NFYA: variants seen among roughly 807,000 people sequenced by gnomAD.
NFYA encodes CAAT-box DNA binding protein subunit A.
In NFYA, 28 loss-of-function variants were observed where a neutral mutation model predicts 52.8. The ratio of observed to expected loss-of-function variants is 0.53; its 90% CI spans 0.39 to 0.73. NFYA has a LOEUF of 0.73. Among genes scored for constraint, NFYA ranks in the 30% least tolerant of loss-of-function variants. The pLI is 0.00. For synonymous variants in NFYA, 150 were observed against 150.7 expected (o/e 1.00, Z 0.03); for missense variants, 234 against 427.0 (o/e 0.55, Z 3.98).
intron 4 of NFYA, among the ~76,000 whole-genome samples, chr6:41,084,868 A>G (rs1764001223): frequency 1.3e-5 from 2 of 152,252 alleles, no homozygotes; most frequent in Non-Finnish European, 2.9e-5. Flanking sequence ...GGGTTGAGGC[A>G]TAAGATATCT....
rs569128714 is a variant in NFYA, at chr6:41,080,904, C to A, written c.162+7C>A. The A allele has an allele frequency of 2.5e-6, 4 of 1,611,330 alleles. No homozygotes were observed. In the African/African-American group the frequency reaches 5.3e-5, roughly 21 times the overall value. On this transcript the variant is annotated splice_region_variant and intron_variant, in intron 3 of 9. Coordinates refer to ENST00000341376, the MANE Select transcript of NFYA (RefSeq NM_002505.5). ...AGTCCAGACCCTCCAGGTAGTGGTA[C>A]CCTCTCTGATTCTCTGTGAGCACTG...
chr6:41,102,017 A>C lies in NFYA; in HGVS notation c.*4607A>C, dbSNP rs1764514349. On this transcript the variant is annotated 3_prime_UTR_variant, in exon 10 of 10. Coordinates refer to ENST00000341376, the MANE Select transcript of NFYA (RefSeq NM_002505.5). The stretch of plus-strand genomic sequence containing the variant: ...TTCTGCTTTGTTGGTCAGGGTTTAC[A>C]GCATTAATGGACAGGTTCACCCTGA... The C allele has an allele frequency of 6.6e-6, 1 of 152,284 alleles. No individual in the cohort carries two copies. The highest frequency in any genetic ancestry group is 1.5e-5 in the Non-Finnish European group (1 of 68,058). 9.4% of individuals were successfully genotyped at this position (152,284 alleles called of 1,614,324 possible).
chr6:41,084,479 A>C (rs1763987896), intron 4 of NFYA, among the ~76,000 whole-genome samples: 2 of 152,256 alleles, frequency 1.3e-5, no homozygotes, highest in Non-Finnish European at 2.9e-5. Context: ...AAAGAAACAA[A>C]AATGAGTATT....
At chr6:41,088,423 CAAAAAAAA>C (rs34590854) in intron 4 of NFYA, among the ~76,000 whole-genome samples, 6 of 64,726 alleles carry the variant, frequency 9.3e-5, no homozygotes, top group South Asian at 1.1e-3. Flanking sequence ...ACTCCGTCTC[CAAAAAAAA>C]AAAAAAAAAA....
At chr6:41,087,535 T>C (rs1464778684) in intron 4 of NFYA, among the ~76,000 whole-genome samples, 3 of 152,206 alleles carry the variant, frequency 2.0e-5, no homozygotes, top group Admixed American at 1.3e-4. Context: ...CTGCCATCTA[T>C]GTTGAAGCAA....
At position 41,100,497 on chromosome 6, in the gene NFYA, C is replaced by G. The variant is rs1764469940; in HGVS notation, c.*3087C>G. Among the ~76,000 whole-genome samples, 2 of 151,214 alleles carry G rather than the reference C, an allele frequency of 1.3e-5. No homozygotes were observed. The highest frequency in any genetic ancestry group is 6.6e-5 in the Admixed American group (1 of 15,142). ...TATGCCATTATCAACACACAAGAGACAAACAGCCCGAGGAAGCACTCAATG... is the reference window on the plus strand; with the variant it reads ...TATGCCATTATCAACACACAAGAGAGAAACAGCCCGAGGAAGCACTCAATG... On this transcript the variant is annotated 3_prime_UTR_variant, in exon 10 of 10. Coordinates refer to ENST00000341376, the MANE Select transcript of NFYA (RefSeq NM_002505.5).
At chr6:41,088,423 C>CAAAAAAA (rs34590854) in intron 4 of NFYA, among the ~76,000 whole-genome samples, 1 of 64,726 alleles carries the variant, frequency 1.5e-5, no homozygotes, top group African/African-American at 6.2e-5. Flanking sequence ...ACTCCGTCTC[C>CAAAAAAA]AAAAAAAAAA....
In NFYA at chr6:41,089,823, A is replaced by T. The variant is rs1239425394; in HGVS notation, c.441+113A>T. The stretch of plus-strand genomic sequence containing the variant: ...AGTAGAAAAGGGGATGAAAACCATA[A>T]AAAAATATATTTTTGGCCGGGCGCG... On this transcript the variant is annotated intron_variant, in intron 5 of 9. Transcript: ENST00000341376. The T allele has an allele frequency of 2.1e-6, 3 of 1,445,714 alleles. No individual in the cohort carries two copies. The East Asian group carries it at 7.2e-5, about 34-fold the overall frequency. The allele number at this position is 1,445,714 out of a possible 1,614,324, so 89.6% of individuals were successfully genotyped here.
chr6:41,080,141 T>C (rs1055957559), intron 2 of NFYA, among the ~76,000 whole-genome samples: 12 of 152,162 alleles, frequency 7.9e-5, no homozygotes, highest in African/African-American at 2.7e-4. Context: ...AGCAGTCCAG[T>C]TGGGTAGAAA....
chr6:41,090,410 A>T, intron 6 of NFYA, 101 bp downstream of exon 6: 1 of 617,868 alleles, frequency 1.6e-6, no homozygotes. Flanking sequence ...TTGACACTAC[A>T]TATTTTTTGG....
intron 9 of NFYA, 133 bp downstream of exon 9, chr6:41,094,630 T>C (rs1764298080): frequency 7.9e-6 from 5 of 631,100 alleles, no homozygotes; most frequent in South Asian, 2.0e-5. Context: ...TGCAATCTTA[T>C]GTCTCTTTAG....
chr6:41,079,995 G>A (rs894872264), intron 2 of NFYA, among the ~76,000 whole-genome samples: 8 of 152,146 alleles, frequency 5.3e-5, no homozygotes, highest in Non-Finnish European at 1.0e-4. Flanking sequence ...TCCTTCAACT[G>A]CCTTTTTAGA....
In NFYA at chr6:41,101,422, A is replaced by T. The variant is rs1764499161; in HGVS notation, c.*4012A>T. Among the ~76,000 whole-genome samples the T allele has an allele frequency of 6.6e-6, 1 of 151,822 alleles. No individual in the cohort carries two copies. Among genetic ancestry groups the T allele is most frequent in the African/African-American group, 2.4e-5 (1 of 41,286 alleles). On this transcript the variant is annotated 3_prime_UTR_variant, in exon 10 of 10. Transcript: ENST00000341376. Reference sequence around the variant, plus strand: ...TCACCCCAAAGATGATGAAATTGAAACTCAGAGGAAAGGATTTTTACAGGA... The same window carrying T: ...TCACCCCAAAGATGATGAAATTGAATCTCAGAGGAAAGGATTTTTACAGGA...
rs139182443 is a variant in NFYA at position 41,092,965 on chromosome 6, A to C, written c.768A>C (p.Gly256=). ...CTATCCAAAGAATCCCTCTACCTGG[A>C]GCAGAGATGCTTGAAGAAGAGCCTC... ...VPAIQRIPLP[G]AEMLEEEPLY... is the part of the protein sequence containing the mutation. Residue 256 remains glycine, a synonymous_variant, in exon 8 of 10, where the codon GGA becomes GGC. Coordinates refer to ENST00000341376, the MANE Select transcript of NFYA (RefSeq NM_002505.5). 1.7e-3 allele frequency: 2,763 copies of C among 1,614,076 alleles called. 54 individuals are homozygous for C. In the East Asian group the frequency reaches 0.029, roughly 17 times the overall value.
Position 41,091,577 on chromosome 6 carries a change from A to T in NFYA, c.597A>T (p.Ala199=), listed in dbSNP as rs781385825. ...TCACTATCCCAGCAGCCAGTTTGGC[A>T]GGAGCACAGATTGTTCAAACAGGAG... ...GMITIPAASL[A]GAQIVQTGAN... The change falls in exon 7 of 10, where the codon GCA becomes GCT. Residue 199 remains alanine, a synonymous_variant. Transcript: ENST00000341376. The T allele has an allele frequency of 6.2e-7, 1 of 1,614,214 alleles. No homozygotes were observed. Among genetic ancestry groups the T allele is most frequent in the South Asian group, 1.1e-5 (1 of 91,086 alleles).
At chr6:41,083,769 C>T (rs1763970969) in intron 3 of NFYA, among the ~76,000 whole-genome samples, 1 of 152,182 alleles carries the variant, frequency 6.6e-6, no homozygotes, top group African/African-American at 2.4e-5. Context: ...ATGGATTTAG[C>T]CCGTGTTTGG....
chr6:41,077,955 A>G (rs1763786393), intron 1 of NFYA, among the ~76,000 whole-genome samples: 1 of 151,912 alleles, frequency 6.6e-6, no homozygotes, highest in Admixed American at 6.6e-5. Flanking sequence ...AAATTTTGTT[A>G]TATTTTTCCT....
In NFYA at chr6:41,101,631, C is replaced by G. The variant is rs1037650764; in HGVS notation, c.*4221C>G. On this transcript the variant is annotated 3_prime_UTR_variant, in exon 10 of 10. Coordinates refer to ENST00000341376, the MANE Select transcript of NFYA (RefSeq NM_002505.5). ...GTCGTTCATTTAACAAATACTTACT[C>G]TGTGTCAGGGATATGAAGATGGGTA... Among the ~76,000 whole-genome samples the G allele has an allele frequency of 3.3e-5, 5 of 152,168 alleles. No homozygotes were observed. The highest frequency in any genetic ancestry group is 1.2e-4 in the African/African-American group (5 of 41,428).
In NFYA at chr6:41,082,982, C is replaced by T. The variant is rs75827529; in HGVS notation, c.163-1064C>T. 5.7e-3 allele frequency among the ~76,000 whole-genome samples: 874 copies of T among 152,294 alleles called. 12 individuals are homozygous for T. The South Asian group carries it at 0.058, about 10-fold the overall frequency. ...GGAGGACCTTACTATCTAACCTACTCATCTAGGACAGAATGATCTGTTAAC... is the reference window on the plus strand; with the variant it reads ...GGAGGACCTTACTATCTAACCTACTTATCTAGGACAGAATGATCTGTTAAC... On this transcript the variant is annotated intron_variant, in intron 3 of 9. Transcript: ENST00000341376.
Sources: allele counts gnomAD v4.1 joint callset (sites outside exome capture counted in the v4.1 genomes callset), GRCh38; gene constraint gnomAD v4.1.1; transcripts MANE v1.5; gene names NCBI Gene and HGNC (gene_info 2026-07-23, HGNC 2026-07-21).